Variants in HYDIN observed in about 807,000 individuals in gnomAD.
HYDIN encodes axonemal central pair apparatus protein HYDIN.
A neutral mutation model predicts 403.9 loss-of-function variants in HYDIN; 132 were observed. That is an observed-to-expected ratio of 0.33 (90% CI 0.28 to 0.38). The LOEUF (loss-of-function observed/expected upper bound fraction) is 0.38, where lower values mean the gene tolerates loss of function less well. Among genes scored for constraint, HYDIN ranks in the 10% least tolerant of loss-of-function variants. The pLI, the probability that HYDIN is intolerant of heterozygous loss-of-function variation, is 1.00. For synonymous variants in HYDIN, 1,202 were observed against 1,891.7 expected, an observed-to-expected ratio of 0.64 and a Z score of 9.46; for missense variants, 2,827 against 5,009.5, an observed-to-expected ratio of 0.56 and a Z score of 13.15.
At chr16:70,808,847 T>C (rs966727436) in intron 85 of HYDIN, among the ~76,000 whole-genome samples, 2 of 152,186 alleles carry the variant, frequency 1.3e-5, no homozygotes, top group Non-Finnish European at 2.9e-5. Flanking sequence ...TATATACAAC[T>C]GTCCCCTCTT....
intron 8 of HYDIN, among the ~76,000 whole-genome samples, chr16:71,134,375 A>G (rs1177586175): frequency 6.6e-6 from 1 of 152,238 alleles, no homozygotes; most frequent in Non-Finnish European, 1.5e-5. Context: ...AGGTTGCTGA[A>G]GGAGGGGGAA....
chr16:71,224,769 G>T (rs959924200), intron 1 of HYDIN, among the ~76,000 whole-genome samples: 1 of 151,622 alleles, frequency 6.6e-6, no homozygotes, highest in African/African-American at 2.4e-5. Flanking sequence ...CACCGTTTTA[G>T]CCGGGATGGT....
chr16:70,962,874 T>C (rs970757131), intron 37 of HYDIN, among the ~76,000 whole-genome samples: 6 of 145,588 alleles, frequency 4.1e-5, no homozygotes, highest in African/African-American at 1.0e-4. Context: ...GGATGATCTA[T>C]AGCGTGAGAG....
rs1490737480 is a variant in HYDIN at position 70,802,237 on chromosome 16, C to T, written c.*5343G>A. 6.6e-6 allele frequency: 1 copy of T among 152,178 alleles called. No homozygotes were observed. The highest frequency in any genetic ancestry group is 1.5e-5 in the Non-Finnish European group (1 of 68,026). 9.4% of individuals were successfully genotyped at this position (152,178 alleles called of 1,614,324 possible). On this transcript the variant is annotated 3_prime_UTR_variant, in exon 86 of 86. Coordinates refer to ENST00000393567, the MANE Select transcript of HYDIN (RefSeq NM_001270974.2). ...AGGATGACCTCCAATATTCCCACCCCTTCGTGTTCATGCCCTGTATTATGC... is the reference window on the plus strand; with the variant it reads ...AGGATGACCTCCAATATTCCCACCCTTTCGTGTTCATGCCCTGTATTATGC...
At chr16:71,106,295 T>C (rs1196305111) in intron 10 of HYDIN, among the ~76,000 whole-genome samples, 1 of 152,186 alleles carries the variant, frequency 6.6e-6, no homozygotes, top group Non-Finnish European at 1.5e-5. Flanking sequence ...ACAAAGTATT[T>C]CCCTGACTTG....
chr16:71,010,712 G>A (rs2080054059), intron 23 of HYDIN, among the ~76,000 whole-genome samples: 1 of 152,252 alleles, frequency 6.6e-6, no homozygotes, highest in Non-Finnish European at 1.5e-5. Flanking sequence ...AGGGACAGCT[G>A]TGGTTTAAGG....
chr16:70,917,988 C>T (rs928794288), intron 47 of HYDIN, among the ~76,000 whole-genome samples: 2 of 151,718 alleles, frequency 1.3e-5, no homozygotes, highest in Admixed American at 6.6e-5. Flanking sequence ...AATCATTATC[C>T]GTTTCCTCTT....
rs2078821326 is a variant in HYDIN at position 70,974,211 on chromosome 16, G to C, written c.4999C>G (p.Leu1667Val). 7 of 1,575,618 alleles carry C rather than the reference G, an allele frequency of 4.4e-6. No individual in the cohort carries two copies. Among genetic ancestry groups the C allele is most frequent in the Non-Finnish European group, 6.0e-6 (7 of 1,160,186 alleles). ...EVRFDPQGAN[L>V]PVGSKEVILP... ...ATGACTTCTTTGCTTCCAACAGGAAGATTGGCCCCCTGTGGGTCAAATCTC... is the reference window on the plus strand; with the variant it reads ...ATGACTTCTTTGCTTCCAACAGGAACATTGGCCCCCTGTGGGTCAAATCTC... Residue 1667 changes from leucine (L) to valine (V), a missense_variant, in exon 33 of 86, where the codon CTT becomes GTT. Leu to Val is a conservative substitution (Grantham distance 32, BLOSUM62 1). Coordinates refer to ENST00000393567, the MANE Select transcript of HYDIN (RefSeq NM_001270974.2).
At chr16:71,199,546 A>G (rs1313406513) in intron 1 of HYDIN, among the ~76,000 whole-genome samples, 1 of 151,840 alleles carries the variant, frequency 6.6e-6, no homozygotes, top group East Asian at 1.9e-4. Flanking sequence ...CTGGGCCTCT[A>G]CCCTCCCCTA....
At chr16:71,169,440 A>C (rs1018753982) in intron 5 of HYDIN, among the ~76,000 whole-genome samples, 4 of 152,164 alleles carry the variant, frequency 2.6e-5, no homozygotes, top group Non-Finnish European at 2.9e-5. Flanking sequence ...TAAAAAGAAA[A>C]AGAAAAGAAA....
At chr16:70,842,494 T>C (rs2037896829) in intron 75 of HYDIN, among the ~76,000 whole-genome samples, 1 of 152,160 alleles carries the variant, frequency 6.6e-6, no homozygotes, top group Non-Finnish European at 1.5e-5. Context: ...TCGCTAGGAA[T>C]AGTTTTTGTC....
chr16:70,818,778 G>A (rs1412192325), intron 83 of HYDIN, among the ~76,000 whole-genome samples: 3 of 149,806 alleles, frequency 2.0e-5, no homozygotes, highest in Non-Finnish European at 4.4e-5. Flanking sequence ...CCAGATGAGA[G>A]ATTATTAAAT....
intron 7 of HYDIN, among the ~76,000 whole-genome samples, chr16:71,138,868 G>A (rs1168938557): frequency 1.3e-5 from 2 of 152,162 alleles, no homozygotes; most frequent in South Asian, 2.1e-4. Context: ...CAGATCACCC[G>A]AGGTCGGGAG....
At chr16:71,136,702 G>A (rs1168189263) in intron 8 of HYDIN, among the ~76,000 whole-genome samples, 2 of 147,620 alleles carry the variant, frequency 1.4e-5, no homozygotes, top group Non-Finnish European at 3.0e-5. Flanking sequence ...AGGAGGCAGA[G>A]GTTGTAGTGA....
At chr16:70,883,013 A>G in intron 59 of HYDIN, 118 bp from the exon 60 acceptor site, 1 of 778,368 alleles carries the variant, frequency 1.3e-6, no homozygotes, top group Non-Finnish European at 2.2e-6. Flanking sequence ...ACATAGGCGA[A>G]GTCATGCAAG....
intron 23 of HYDIN, among the ~76,000 whole-genome samples, chr16:71,017,337 C>T (rs1242700875): frequency 3.8e-4 from 48 of 127,246 alleles, no homozygotes; most frequent in African/African-American, 1.6e-3. Flanking sequence ...GCGACAAGAG[C>T]GAAACTCTGT....
intron 58 of HYDIN, among the ~76,000 whole-genome samples, chr16:70,887,086 A>AT (rs1266667578): frequency 1.3e-5 from 2 of 152,100 alleles, no homozygotes; most frequent in East Asian, 1.9e-4. Context: ...GCATCAATTC[A>AT]TTTTTTCTCA....
chr16:71,020,213 T>C lies in HYDIN; in HGVS notation c.3291A>G (p.Ile1097Met), dbSNP rs183427172. ...GCAGCAGGGATTTATCAGTCTCACA[T>C]ATAAAGAAGGGTCCAGATGTTGACA... ...LLLSTSGPFF[I>M]CETDKSLLPA... The change falls in exon 22 of 86, where the codon ATA becomes ATG. Residue 1097 changes from isoleucine to methionine, a missense_variant. Ile to Met is a conservative substitution (Grantham distance 10). Coordinates refer to ENST00000393567, the MANE Select transcript of HYDIN (RefSeq NM_001270974.2). 5,923 of 1,613,774 alleles carry C rather than the reference T, an allele frequency of 3.7e-3. 16 individuals carry two copies. The highest frequency in any genetic ancestry group is 4.3e-3 in the Non-Finnish European group (5,047 of 1,179,912).
intron 21 of HYDIN, among the ~76,000 whole-genome samples, chr16:71,020,834 G>GTGAAA (rs2080459006): frequency 8.4e-6 from 1 of 119,206 alleles, no homozygotes; most frequent in Non-Finnish European, 1.8e-5. Flanking sequence ...GATAAATCAT[G>GTGAAA]TGATGTATAG....
Sources: allele counts gnomAD v4.1 joint callset (sites outside exome capture counted in the v4.1 genomes callset), GRCh38; gene constraint gnomAD v4.1.1; transcripts MANE v1.5; gene names NCBI Gene and HGNC (gene_info 2026-07-23, HGNC 2026-07-21).